The following PRKN variants were observed in gnomAD, a reference collection of about 807,000 sequenced individuals.
PRKN encodes parkin RBR E3 ubiquitin protein ligase.
In PRKN, 56 loss-of-function variants were observed where a neutral mutation model predicts 59.5. The observed-to-expected ratio is 0.94, with a 90% CI of 0.76 to 1.18. The LOEUF is 1.18. PRKN is among the 50% of genes most tolerant of loss of function. The probability of loss-of-function intolerance (pLI) is 0.00; values close to 1 mark genes in which losing one functional copy is unlikely to be tolerated. For missense variants in PRKN, 657 were observed against 596.4 expected (o/e 1.10, Z -1.06); for synonymous variants, 250 against 222.1 (o/e 1.13, Z -1.12).
At chr6:162,529,538 A>C (rs893866809) in intron 1 of PRKN, among the ~76,000 whole-genome samples, 2 of 152,178 alleles carry the variant, frequency 1.3e-5, no homozygotes, top group Non-Finnish European at 2.9e-5. Flanking sequence ...AGGTCTATGC[A>C]ACCCACCCGC....
chr6:162,021,295 T>TAATC (rs1562465761), intron 5 of PRKN, among the ~76,000 whole-genome samples: 1 of 140,916 alleles, frequency 7.1e-6, no homozygotes, highest in Admixed American at 7.2e-5. Flanking sequence ...AAACCACACT[T>TAATC]AAATGACTAA....
At chr6:162,195,854 T>C (rs1394179997) in intron 4 of PRKN, among the ~76,000 whole-genome samples, 1 of 152,166 alleles carries the variant, frequency 6.6e-6, no homozygotes, top group African/African-American at 2.4e-5. Flanking sequence ...ATAACCTTAA[T>C]CAGAACTAGA....
At chr6:162,441,281 A>G (rs1439270998) in intron 2 of PRKN, among the ~76,000 whole-genome samples, 1 of 152,176 alleles carries the variant, frequency 6.6e-6, no homozygotes, top group Non-Finnish European at 1.5e-5. Context: ...ATGCCAAGTT[A>G]GTCAAGGTTA....
chr6:162,005,956 T>C (rs904469181), intron 5 of PRKN, among the ~76,000 whole-genome samples: 1 of 152,120 alleles, frequency 6.6e-6, no homozygotes, highest in Admixed American at 6.6e-5. Flanking sequence ...TGTATATATA[T>C]ATATATCTAC....
chr6:161,874,880 ATATAT>A (rs1483225195), intron 6 of PRKN, among the ~76,000 whole-genome samples: 1 of 109,666 alleles, frequency 9.1e-6, no homozygotes, highest in African/African-American at 4.0e-5. Context: ...AAAATATAAA[ATATAT>A]AATATATAAT....
intron 6 of PRKN, among the ~76,000 whole-genome samples, chr6:161,861,302 A>T (rs1793887119): frequency 6.6e-6 from 1 of 152,234 alleles, no homozygotes; most frequent in South Asian, 2.1e-4. Flanking sequence ...GAAAGCCATC[A>T]TTCTCAGCAA....
chr6:161,650,636 T>C (rs1032583414), intron 7 of PRKN, among the ~76,000 whole-genome samples: 1 of 152,172 alleles, frequency 6.6e-6, no homozygotes, highest in African/African-American at 2.4e-5. Flanking sequence ...ACTTAACCTC[T>C]TTTGGTACTC....
rs145644219 is a variant in PRKN at position 161,402,617 on chromosome 6, G to C, written c.1084-15740C>G. On this transcript the variant is annotated intron_variant, in intron 9 of 11. Coordinates refer to ENST00000366898, the MANE Select transcript of PRKN (RefSeq NM_004562.3). This position sits in a 1 kb window ranked among gnomAD's most constrained non-coding sequence, Gnocchi z 4.5. Reference sequence around the variant, plus strand: ...CATATAAACAGATTAACAGGAGAAAGAGCATATTCAATTCTGTACACATGA... The same window carrying C: ...CATATAAACAGATTAACAGGAGAAACAGCATATTCAATTCTGTACACATGA... Among the ~76,000 whole-genome samples, 3 of 152,184 alleles carry C rather than the reference G, an allele frequency of 2.0e-5. No homozygotes were observed. The highest frequency in any genetic ancestry group is 2.9e-5 in the Non-Finnish European group (2 of 68,022).
chr6:161,959,503 C>G (rs1780303538), intron 6 of PRKN, among the ~76,000 whole-genome samples: 2 of 152,166 alleles, frequency 1.3e-5, no homozygotes, highest in South Asian at 4.1e-4. Flanking sequence ...TTAGAGAAGT[C>G]TTATCTTTCC....
intron 1 of PRKN, among the ~76,000 whole-genome samples, chr6:162,450,604 C>T (rs1324215149): frequency 1.3e-5 from 2 of 152,150 alleles, no homozygotes; most frequent in African/African-American, 4.8e-5. Flanking sequence ...TCTCTGTGGG[C>T]TTTCTCTCAA....
chr6:162,339,336 A>G (rs1302383325), intron 2 of PRKN, among the ~76,000 whole-genome samples: 2 of 76,434 alleles, frequency 2.6e-5, no homozygotes, highest in African/African-American at 5.0e-5. Flanking sequence ...TCTGGGAGGG[A>G]GGTGGGGGGG....
In PRKN at chr6:161,410,620, A is replaced by G. The variant is rs1021979154; in HGVS notation, c.1084-23743T>C. Reference sequence around the variant, plus strand: ...AGCTATTTCCTCCATTCTGGTGCTCATCGTGGGCCATGCGTTGGTTACAAG... The same window carrying G: ...AGCTATTTCCTCCATTCTGGTGCTCGTCGTGGGCCATGCGTTGGTTACAAG... On this transcript the variant is annotated intron_variant, in intron 9 of 11. Coordinates refer to ENST00000366898, the MANE Select transcript of PRKN (RefSeq NM_004562.3). This position sits in a 1 kb window ranked among gnomAD's most constrained non-coding sequence, Gnocchi z 5.3. Among the ~76,000 whole-genome samples, 10 of 152,084 alleles carry G rather than the reference A, an allele frequency of 6.6e-5. No homozygotes were observed. Among genetic ancestry groups the G allele is most frequent in the African/African-American group, 2.4e-4 (10 of 41,386 alleles).
At chr6:162,101,197 C>T (rs1323350644) in intron 4 of PRKN, among the ~76,000 whole-genome samples, 1 of 151,930 alleles carries the variant, frequency 6.6e-6, no homozygotes. Context: ...CTTCTGTGAG[C>T]TTTACAGATT....
chr6:162,245,559 T>A (rs1268047888), intron 3 of PRKN, among the ~76,000 whole-genome samples: 1 of 152,090 alleles, frequency 6.6e-6, no homozygotes, highest in African/African-American at 2.4e-5. Flanking sequence ...CTGGAAATTA[T>A]AATTTAATGG....
At chr6:162,626,391 A>C (rs1782895999) in intron 1 of PRKN, among the ~76,000 whole-genome samples, 2 of 152,228 alleles carry the variant, frequency 1.3e-5, no homozygotes, top group South Asian at 4.1e-4. Flanking sequence ...CCTCAAAGGA[A>C]GACACTGTGC....
intron 7 of PRKN, among the ~76,000 whole-genome samples, chr6:161,769,962 C>A (rs367898574): frequency 3.3e-5 from 5 of 152,292 alleles, no homozygotes; most frequent in East Asian, 3.9e-4. Context: ...TCCTGACAAT[C>A]CATCCTGGGA....
chr6:161,840,908 C>CA (rs369553561), intron 6 of PRKN, among the ~76,000 whole-genome samples: 2,863 of 146,678 alleles, frequency 0.02, 92 homozygotes, highest in African/African-American at 0.066. Context: ...ATTAAAAAGT[C>CA]AAAAAAAAAC....
chr6:162,258,811 T>C (rs952528254), intron 3 of PRKN, among the ~76,000 whole-genome samples: 6 of 152,220 alleles, frequency 3.9e-5, no homozygotes, highest in Non-Finnish European at 8.8e-5. Context: ...GACGTCCTCT[T>C]ACAAGTCTTT....
intron 9 of PRKN, among the ~76,000 whole-genome samples, chr6:161,508,342 AC>A (rs1159551760): frequency 1.3e-5 from 2 of 152,200 alleles, no homozygotes; most frequent in Admixed American, 1.3e-4. Flanking sequence ...CCTGGCACAA[AC>A]CCTGCCTTTA....
Sources: gnomAD v4.1 joint callset for allele counts (sites outside exome capture counted in the v4.1 genomes callset) on GRCh38, gnomAD v4.1.1 for gene constraint, Gnocchi (gnomAD v3.1) non-coding constraint, MANE v1.5 for transcripts, NCBI Gene and HGNC (gene_info 2026-07-23, HGNC 2026-07-21) for gene names.